CSNK1D: variants seen among roughly 807,000 people sequenced by gnomAD.
CSNK1D encodes the protein casein kinase 1 delta, also known as casein kinase I isoform delta.
CSNK1D carries 16 observed loss-of-function variants against 46.6 expected under a neutral mutation model. The ratio of observed to expected loss-of-function variants is 0.34; its 90% CI spans 0.23 to 0.52. The LOEUF is 0.52. CSNK1D is among the 20% of genes least tolerant of loss of function. The probability of loss-of-function intolerance (pLI) is 0.95; values close to 1 mark genes in which losing one functional copy is unlikely to be tolerated. For synonymous variants in CSNK1D, 276 were observed against 228.2 expected (o/e 1.21, Z -1.89); for missense variants, 398 against 578.4 (o/e 0.69, Z 3.20).
At chr17:82,261,976 T>C (rs2051352549) in intron 2 of CSNK1D, among the ~76,000 whole-genome samples, 1 of 152,144 alleles carries the variant, frequency 6.6e-6, no homozygotes, top group African/African-American at 2.4e-5. Flanking sequence ...TGCTGAGGGG[T>C]TCCCCAAGGA....
Position 82,249,671 on chromosome 17 carries a change from G to T in CSNK1D, c.886-69C>A. ...AGAAAGCAACCCTAGGTCCTAGGCT[G>T]CCCCGGCCACGTGAGAAAATACCTA... On this transcript the variant is annotated intron_variant, in intron 6 of 8. Transcript: ENST00000314028. This position sits in a 1 kb window ranked among gnomAD's most constrained non-coding sequence, Gnocchi z 6.7. 3 of 1,535,748 alleles carry T rather than the reference G, an allele frequency of 2.0e-6. No individual in the cohort carries two copies. In the South Asian group the frequency reaches 3.6e-5, roughly 18 times the overall value.
In CSNK1D at chr17:82,243,405, G is replaced by A. The variant is rs2050775004; in HGVS notation, c.*1376C>T. 1 of 985,416 alleles carries A rather than the reference G, an allele frequency of 1.0e-6. No individual in the cohort carries two copies. Among genetic ancestry groups the A allele is most frequent in the African/African-American group, 1.7e-5 (1 of 57,258 alleles). The allele number at this position is 985,416 out of a possible 1,614,324, so 61.0% of individuals were successfully genotyped here. A position where few individuals can be genotyped will look rare whatever the true frequency, so the allele number is the denominator to read the frequency against. On this transcript the variant is annotated 3_prime_UTR_variant, in exon 9 of 9. Transcript: ENST00000314028. The stretch of plus-strand genomic sequence containing the variant: ...CACATGGCCACTGGCTACCGCCCAA[G>A]TGCTGCGGAGTGAGAGGCGAGAAGG...
chr17:82,253,386 T>C (rs1403090259), intron 3 of CSNK1D, 142 bp from the exon 4 acceptor site: 29 of 765,720 alleles, frequency 3.8e-5, no homozygotes, highest in Non-Finnish European at 6.2e-5. Flanking sequence ...GCGAGGGGGA[T>C]GCCGAACTGA....
rs186327703 is a variant in CSNK1D, at chr17:82,246,134, C to T, written c.1198-1303G>A. The T allele has an allele frequency of 1.1e-4, 168 of 1,549,458 alleles. No homozygotes were observed. In the African/African-American group the frequency reaches 2.0e-3, roughly 18 times the overall value. The stretch of plus-strand genomic sequence containing the variant: ...GTCCAGATGGGCATCCTTGCCTCAA[C>T]CAGGTCCACAGACCGACAGGTGCCA... On this transcript the variant is annotated intron_variant, in intron 8 of 8. Coordinates refer to ENST00000314028, the MANE Select transcript of CSNK1D (RefSeq NM_001893.6).
chr17:82,257,841 C>T (rs116848221), intron 2 of CSNK1D, among the ~76,000 whole-genome samples: 2,375 of 152,298 alleles, frequency 0.016, 31 homozygotes, highest in Admixed American at 0.025. Flanking sequence ...AAGAGGTTAA[C>T]TGAACAGACC....
Position 82,249,163 on chromosome 17 carries a change from C to G in CSNK1D, c.1058-149G>C. The stretch of plus-strand genomic sequence containing the variant: ...GCCGATGGCCACCAACACTCAGATC[C>G]GGCCGGAGGGACACAAAGGGACATG... On this transcript the variant is annotated intron_variant, in intron 7 of 8. Coordinates refer to ENST00000314028, the MANE Select transcript of CSNK1D (RefSeq NM_001893.6). This position sits in a 1 kb window ranked among gnomAD's most constrained non-coding sequence, Gnocchi z 6.7. 1 of 1,018,202 alleles carries G rather than the reference C, an allele frequency of 9.8e-7. No homozygotes were observed. 63.1% of individuals were successfully genotyped at this position (1,018,202 alleles called of 1,614,324 possible).
In CSNK1D at chr17:82,273,249, C is replaced by T; in HGVS notation, c.76+57G>A. 1 of 1,547,112 alleles carries T rather than the reference C, an allele frequency of 6.5e-7. No homozygotes were observed. The highest frequency in any genetic ancestry group is 1.8e-5 in the Admixed American group (1 of 56,260). Reference sequence around the variant, plus strand: ...ACTTCCTTCCGCGATCGCGCTTGGTCTTGGCAGCCGCAGGGCCCGGGTCTT... The same window carrying T: ...ACTTCCTTCCGCGATCGCGCTTGGTTTTGGCAGCCGCAGGGCCCGGGTCTT... On this transcript the variant is annotated intron_variant, in intron 1 of 8. Transcript: ENST00000314028. This position sits in a 1 kb window ranked among gnomAD's most constrained non-coding sequence, Gnocchi z 5.1.
rs1380293236 is a variant in CSNK1D at position 82,251,983 on chromosome 17, G to C, written c.736+451C>G. 3.2e-6 allele frequency: 1 copy of C among 315,660 alleles called. No individual in the cohort carries two copies. The highest frequency in any genetic ancestry group is 2.2e-5 in the African/African-American group (1 of 46,050). 19.6% of individuals were successfully genotyped at this position (315,660 alleles called of 1,614,324 possible). A position where few individuals can be genotyped will look rare whatever the true frequency, so the allele number is the denominator to read the frequency against. On this transcript the variant is annotated intron_variant, in intron 5 of 8. Coordinates refer to ENST00000314028, the MANE Select transcript of CSNK1D (RefSeq NM_001893.6). This position sits in a 1 kb window ranked among gnomAD's most constrained non-coding sequence, Gnocchi z 4.5. ...CACTCTAGCCTTGGCGACAGAGTGA[G>C]ACTGTGTCTTAAAAAAAAAAAAGAA...
rs1014966410 is a variant in CSNK1D, at chr17:82,273,252, G to A, written c.76+54C>T. 3 of 1,547,722 alleles carry A rather than the reference G, an allele frequency of 1.9e-6. No homozygotes were observed. Among genetic ancestry groups the A allele is most frequent in the Non-Finnish European group, 2.6e-6 (3 of 1,141,674 alleles). The stretch of plus-strand genomic sequence containing the variant: ...TCCTTCCGCGATCGCGCTTGGTCTT[G>A]GCAGCCGCAGGGCCCGGGTCTTCGG... On this transcript the variant is annotated intron_variant, in intron 1 of 8. Coordinates refer to ENST00000314028, the MANE Select transcript of CSNK1D (RefSeq NM_001893.6). The surrounding 1 kb of genome is among the most constrained non-coding windows in gnomAD (Gnocchi z 5.1).
rs7406379 is a variant in CSNK1D at position 82,251,792 on chromosome 17, C to T, written c.737-265G>A. On this transcript the variant is annotated intron_variant, in intron 5 of 8. Coordinates refer to ENST00000314028, the MANE Select transcript of CSNK1D (RefSeq NM_001893.6). The surrounding 1 kb of genome is among the most constrained non-coding windows in gnomAD (Gnocchi z 4.5). The stretch of plus-strand genomic sequence containing the variant: ...GATCACGAGGTCAGGAGATCAAGAC[C>T]ATCCTGGCTAACACAGTGAAACCCC... 0.011 allele frequency: 5,024 copies of T among 466,168 alleles called. 233 individuals carry two copies. The highest frequency in any genetic ancestry group is 0.094 in the African/African-American group (4,666 of 49,448). 28.9% of individuals were successfully genotyped at this position (466,168 alleles called of 1,614,324 possible). A position where few individuals can be genotyped will look rare whatever the true frequency, so the allele number is the denominator to read the frequency against.
Position 82,248,747 on chromosome 17 carries a change from G to T in CSNK1D, c.1197+128C>A, listed in dbSNP as rs940700015. On this transcript the variant is annotated intron_variant, in intron 8 of 8. Coordinates refer to ENST00000314028, the MANE Select transcript of CSNK1D (RefSeq NM_001893.6). This position sits in a 1 kb window ranked among gnomAD's most constrained non-coding sequence, Gnocchi z 4.1. ...TCTGCAACCAAGACGCCACACCCTG[G>T]CGAGATTAAAAACTCTCAAAAATGG... 17 of 1,510,542 alleles carry T rather than the reference G, an allele frequency of 1.1e-5. No homozygotes were observed. The highest frequency in any genetic ancestry group is 1.5e-5 in the Non-Finnish European group (17 of 1,131,860). 93.6% of individuals were successfully genotyped at this position (1,510,542 alleles called of 1,614,324 possible).
intron 2 of CSNK1D, among the ~76,000 whole-genome samples, chr17:82,257,659 G>A (rs1216372964): frequency 6.6e-6 from 1 of 151,742 alleles, no homozygotes; most frequent in African/African-American, 2.4e-5. Flanking sequence ...GGGCGCCCTG[G>A]GCTGCCCCCT....
chr17:82,247,787 G>A, intron 8 of CSNK1D: 1 of 985,388 alleles, frequency 1.0e-6, no homozygotes, highest in Non-Finnish European at 1.2e-6. Flanking sequence ...TAACCACAAA[G>A]TCAAAATAAC....
chr17:82,239,803 C>G (rs113201258), downstream of CSNK1D: 176 of 402,380 alleles, frequency 4.4e-4, 1 homozygote, highest in African/African-American at 3.2e-3. Context: ...CGCCCCTCTG[C>G]CTGGCTGGCA....
rs959493484 is a variant in CSNK1D, at chr17:82,242,927, G to A, written c.*1854C>T. On this transcript the variant is annotated 3_prime_UTR_variant, in exon 9 of 9. Coordinates refer to ENST00000314028, the MANE Select transcript of CSNK1D (RefSeq NM_001893.6). Reference sequence around the variant, plus strand: ...GCACAAACGTTCTGGGCACTACATCGGGACCACAGATATTTACAAAGCAAG... The same window carrying A: ...GCACAAACGTTCTGGGCACTACATCAGGACCACAGATATTTACAAAGCAAG... 7 of 985,280 alleles carry A rather than the reference G, an allele frequency of 7.1e-6. No homozygotes were observed. Among genetic ancestry groups the A allele is most frequent in the Middle Eastern group, 5.2e-4 (1 of 1,936 alleles). 61.0% of individuals were successfully genotyped at this position (985,280 alleles called of 1,614,324 possible). A position where few individuals can be genotyped will look rare whatever the true frequency, so the allele number is the denominator to read the frequency against.
chr17:82,240,119 C>T (rs908966499), downstream of CSNK1D: 7 of 1,207,388 alleles, frequency 5.8e-6, no homozygotes, highest in Admixed American at 4.2e-5. Flanking sequence ...CCCCATCTGC[C>T]CCTGGCCTTG....
At chr17:82,240,044 A>G (rs2050720440), downstream of CSNK1D, 1 of 1,233,668 alleles carries the variant, frequency 8.1e-7, no homozygotes, top group Non-Finnish European at 1.0e-6. Flanking sequence ...AGCCGGAGAG[A>G]TGCCATGTCC....
chr17:82,267,025 A>ATG (rs1285841385), intron 1 of CSNK1D: 23 of 141,664 alleles, frequency 1.6e-4, no homozygotes, highest in African/African-American at 6.1e-4. Flanking sequence ...GCGCCACTGC[A>ATG]CTCCAGCCTG....
chr17:82,265,427 T>G lies in CSNK1D; in HGVS notation c.187+259A>C, dbSNP rs1197779018. 2.2e-5 allele frequency: 10 copies of G among 463,562 alleles called. No individual in the cohort carries two copies. In the East Asian group the frequency reaches 4.4e-4, roughly 20 times the overall value. 28.7% of individuals were successfully genotyped at this position (463,562 alleles called of 1,614,324 possible). A position where few individuals can be genotyped will look rare whatever the true frequency, so the allele number is the denominator to read the frequency against. On this transcript the variant is annotated intron_variant, in intron 2 of 8. Coordinates refer to ENST00000314028, the MANE Select transcript of CSNK1D (RefSeq NM_001893.6). ...CTACTGACCTCAAATGATCCACCCA[T>G]CTTGGCCTCCCAAAGTGCTGGGATT...
Sources: gnomAD v4.1 joint callset for allele counts (sites outside exome capture counted in the v4.1 genomes callset) on GRCh38, gnomAD v4.1.1 for gene constraint, Gnocchi (gnomAD v3.1) non-coding constraint, MANE v1.5 for transcripts, NCBI Gene and HGNC (gene_info 2026-07-23, HGNC 2026-07-21) for gene names.